The following ERBIN variants were observed in gnomAD, a reference collection of about 807,000 sequenced individuals.
The protein encoded by ERBIN is densin-180-like protein.
Under a neutral mutation model 158.4 loss-of-function variants are expected in ERBIN, and 60 were observed. The ratio of observed to expected loss-of-function variants is 0.38; its 90% CI spans 0.31 to 0.47. The LOEUF is 0.47. ERBIN is among the 20% of genes least tolerant of loss of function. ERBIN has a pLI of 0.99. For missense variants in ERBIN, 1,610 were observed against 1,648.0 expected, an observed-to-expected ratio of 0.98 and a Z score of 0.40; for synonymous variants, 594 against 557.2, an observed-to-expected ratio of 1.07 and a Z score of -0.93.
intron 1 of ERBIN, among the ~76,000 whole-genome samples, chr5:65,960,938 A>G (rs543351332): frequency 4.6e-5 from 7 of 152,280 alleles, no homozygotes; most frequent in South Asian, 2.1e-4. Context: ...TGGCAAGTCT[A>G]TTCATTTTGA....
rs200847060 is a variant in ERBIN at position 65,965,382 on chromosome 5, G to GTTTTTTTTTTTTTTTTTTTTTTTTT, written c.-57-23236_-57-23212dup. 5.2e-5 allele frequency among the ~76,000 whole-genome samples: 5 copies of GTTTTTTTTTTTTTTTTTTTTTTTTT among 96,058 alleles called. 1 individual carries two copies. Among genetic ancestry groups the GTTTTTTTTTTTTTTTTTTTTTTTTT allele is most frequent in the Admixed American group, 3.6e-4 (3 of 8,226 alleles). The allele number at this position is 96,058 out of a possible 152,430, so 63.0% of individuals were successfully genotyped here. A position where few individuals can be genotyped will look rare whatever the true frequency, so the allele number is the denominator to read the frequency against. On this transcript the variant is annotated intron_variant, in intron 1 of 25. Coordinates refer to ENST00000284037, the MANE Select transcript of ERBIN (RefSeq NM_001253697.2). Reference sequence around the variant, plus strand: ...GTTCTTACCAGATTTGTTTTTTGTTGTTTTTTTTTTTTTTTTTTTTTTTTT... The same window carrying GTTTTTTTTTTTTTTTTTTTTTTTTT: ...GTTCTTACCAGATTTGTTTTTTGTTGTTTTTTTTTTTTTTTTTTTTTTTTTTTTTTTTTTTTTTTTTTTTTTTTTT...
At chr5:65,981,459 T>C (rs1750642197) in intron 1 of ERBIN, among the ~76,000 whole-genome samples, 1 of 152,000 alleles carries the variant, frequency 6.6e-6, no homozygotes, top group Admixed American at 6.6e-5. Flanking sequence ...GAACAAAATA[T>C]AACATTTCCT....
At chr5:66,014,086 T>C (rs143813989) in intron 6 of ERBIN, among the ~76,000 whole-genome samples, 1 of 152,302 alleles carries the variant, frequency 6.6e-6, no homozygotes, top group African/African-American at 2.4e-5. Flanking sequence ...GTATAATAGA[T>C]ATGCAGTTAT....
intron 1 of ERBIN, among the ~76,000 whole-genome samples, chr5:65,981,965 G>C (rs1055196767): frequency 2.0e-5 from 3 of 152,170 alleles, no homozygotes; most frequent in African/African-American, 7.2e-5. Context: ...CATGATTTTA[G>C]GTGGTGTAAA....
At chr5:66,011,316 C>T (rs541030115) in intron 4 of ERBIN, among the ~76,000 whole-genome samples, 1 of 152,300 alleles carries the variant, frequency 6.6e-6, no homozygotes, top group Non-Finnish European at 1.5e-5. Flanking sequence ...AGACTGTCTT[C>T]CTCTTCTATC....
rs60768327 is a variant in ERBIN, at chr5:65,997,927, T to TACACACACACACAC, written c.307+3071_307+3084dup. ...AAAGCTAATTAACCAGGTGTCTGTCTACACACACACACACACACACAAAGT... is the reference window on the plus strand; with the variant it reads ...AAAGCTAATTAACCAGGTGTCTGTCTACACACACACACACACACACACACACACACACACAAAGT... On this transcript the variant is annotated intron_variant, in intron 4 of 25. Transcript: ENST00000284037. 9.8e-4 allele frequency among the ~76,000 whole-genome samples: 147 copies of TACACACACACACAC among 150,310 alleles called. 1 individual carries two copies. The highest frequency in any genetic ancestry group is 3.5e-3 in the African/African-American group (145 of 41,046).
intron 1 of ERBIN, among the ~76,000 whole-genome samples, chr5:65,940,713 C>T (rs1464478113): frequency 6.1e-5 from 9 of 147,474 alleles, no homozygotes; most frequent in Non-Finnish European, 1.1e-4. Context: ...GCCCCCCGCC[C>T]GGCCAGCCGC....
At chr5:65,937,915 A>C (rs1710263583) in intron 1 of ERBIN, among the ~76,000 whole-genome samples, 1 of 152,284 alleles carries the variant, frequency 6.6e-6, no homozygotes, top group African/African-American at 2.4e-5. Context: ...TCTCAAAATA[A>C]TAATAATAAT....
At chr5:66,006,587 A>G (rs1273285258) in intron 4 of ERBIN, among the ~76,000 whole-genome samples, 3 of 152,164 alleles carry the variant, frequency 2.0e-5, no homozygotes, top group East Asian at 1.9e-4. Flanking sequence ...AAAAGAAACC[A>G]CCATCAGAGT....
chr5:66,061,498 AT>A (rs1488179059), intron 21 of ERBIN, among the ~76,000 whole-genome samples: 1 of 151,990 alleles, frequency 6.6e-6, no homozygotes, highest in Non-Finnish European at 1.5e-5. Context: ...TCTTTATCCA[AT>A]TTGCCAGTCT....
intron 24 of ERBIN, 34 bp from the exon 25 acceptor site, chr5:66,076,841 G>T: frequency 6.7e-7 from 1 of 1,487,148 alleles, no homozygotes; most frequent in Non-Finnish European, 9.3e-7. Flanking sequence ...TATACATACT[G>T]TTTTTAGTTA....
At chr5:65,964,945 T>TGTGTGTGTG (rs1244833398) in intron 1 of ERBIN, among the ~76,000 whole-genome samples, 5 of 116,602 alleles carry the variant, frequency 4.3e-5, no homozygotes, top group African/African-American at 1.8e-4. Flanking sequence ...TGTGTGTGTG[T>TGTGTGTGTG]AATTTTTTTT....
chr5:66,008,781 A>G (rs1753884754), intron 4 of ERBIN, among the ~76,000 whole-genome samples: 2 of 152,216 alleles, frequency 1.3e-5, no homozygotes, highest in Non-Finnish European at 2.9e-5. Flanking sequence ...TGAGAACTGT[A>G]TAGAATGTTT....
At chr5:66,056,234 A>G (rs1015393492) in intron 21 of ERBIN, among the ~76,000 whole-genome samples, 3 of 152,198 alleles carry the variant, frequency 2.0e-5, no homozygotes, top group Non-Finnish European at 1.5e-5. Context: ...AGTTCAAGAG[A>G]GAGCTCTGAA....
chr5:65,987,920 A>C lies in ERBIN; in HGVS notation c.-57-715A>C, dbSNP rs545626277. Among the ~76,000 whole-genome samples, 9 of 152,342 alleles carry C rather than the reference A, an allele frequency of 5.9e-5. No individual in the cohort carries two copies. The South Asian group carries it at 1.9e-3, about 32-fold the overall frequency. ...CAGTGCCTGCCACATAGAACTATGA[A>C]AAATTACTAAAATATAATTGGCCAT... On this transcript the variant is annotated intron_variant, in intron 1 of 25. Transcript: ENST00000284037.
chr5:66,074,897 A>G (rs1207181004), intron 22 of ERBIN, 127 bp from the exon 23 acceptor site: 6 of 720,376 alleles, frequency 8.3e-6, no homozygotes, highest in African/African-American at 3.6e-5. Context: ...AGTAAGTGGC[A>G]TGGTATTGTT....
chr5:66,063,676 T>G (rs576016591), intron 21 of ERBIN, among the ~76,000 whole-genome samples: 53 of 152,172 alleles, frequency 3.5e-4, no homozygotes, highest in Non-Finnish European at 6.6e-4. Context: ...TCGGCCATCT[T>G]GGCTCCTCCC....
intron 1 of ERBIN, among the ~76,000 whole-genome samples, chr5:65,985,390 C>T (rs959451847): frequency 1.3e-5 from 2 of 152,112 alleles, no homozygotes; most frequent in African/African-American, 2.4e-5. Context: ...ACGCCCGGCC[C>T]GACATTTTGT....
At chr5:65,998,202 T>C (rs1402681414) in intron 4 of ERBIN, among the ~76,000 whole-genome samples, 2 of 150,864 alleles carry the variant, frequency 1.3e-5, no homozygotes, top group Non-Finnish European at 2.9e-5. Context: ...TACTCTAGCT[T>C]GGGCGACACA....
Sources: allele counts gnomAD v4.1 joint callset (sites outside exome capture counted in the v4.1 genomes callset), GRCh38; gene constraint gnomAD v4.1.1; transcripts MANE v1.5; gene names NCBI Gene and HGNC (gene_info 2026-07-23, HGNC 2026-07-21).